The following ALMS1 variants were observed in gnomAD, a reference collection of about 807,000 sequenced individuals.
ALMS1 encodes ALMS1 centrosome and basal body associated protein.
ALMS1 carries 271 observed loss-of-function variants against 352.2 expected under a neutral mutation model. The ratio of observed to expected loss-of-function variants is 0.77; its 90% CI spans 0.70 to 0.85. The LOEUF is 0.85. Among genes scored for constraint, ALMS1 ranks in the 40% least tolerant of loss-of-function variants. The probability of loss-of-function intolerance (pLI) is 0.00; values close to 1 mark genes in which losing one functional copy is unlikely to be tolerated. For missense variants in ALMS1, 5,445 were observed against 4,870.7 expected (o/e 1.12, Z -3.51); for synonymous variants, 1,865 against 1,761.2 (o/e 1.06, Z -1.48).
intron 9 of ALMS1, among the ~76,000 whole-genome samples, chr2:73,483,754 CT>C (rs1257543498): frequency 6.7e-6 from 1 of 148,564 alleles, no homozygotes; most frequent in East Asian, 2.0e-4. Context: ...AATCTGGGTG[CT>C]CCTGTATTGG....
chr2:73,452,222 A>G lies in ALMS1; in HGVS notation c.5695A>G (p.Arg1899Gly). The G allele has an allele frequency of 6.2e-7, 1 of 1,614,060 alleles. No individual in the cohort carries two copies. The highest frequency in any genetic ancestry group is 8.5e-7 in the Non-Finnish European group (1 of 1,179,990). Residue 1899 changes from arginine (R) to glycine (G), a missense_variant, in exon 8 of 23, where the codon AGA becomes GGA. Physicochemically the swap from Arg to Gly is moderately radical, Grantham distance 125. Transcript: ENST00000613296. ...AGCATCCTCTAGTTCCTACTCAAAT[A>G]GAGAGAAGGCCAGTATTTTTCATCA... ...QIASSSSYSN[R>G]EKASIFHQQE... is the part of the protein sequence containing the mutation.
intron 1 of ALMS1, 117 bp from the exon 2 acceptor site, chr2:73,408,505 C>T (rs143054988): frequency 2.7e-4 from 320 of 1,165,914 alleles, no homozygotes; most frequent in Non-Finnish European, 1.9e-4. Context: ...ATCAAAATGT[C>T]GTATATGTGA....
chr2:73,430,624 A>G (rs1327936427), intron 6 of ALMS1, among the ~76,000 whole-genome samples: 2 of 152,088 alleles, frequency 1.3e-5, no homozygotes, highest in Non-Finnish European at 2.9e-5. Flanking sequence ...AAAATACTGT[A>G]TTTTTACTGT....
chr2:73,425,635 A>G (rs144162738), intron 5 of ALMS1, among the ~76,000 whole-genome samples: 59 of 152,300 alleles, frequency 3.9e-4, no homozygotes, highest in African/African-American at 1.4e-3. Flanking sequence ...AGTACAGTAA[A>G]TGAAATCCAA....
At chr2:73,454,838 A>G (rs532411151) in intron 8 of ALMS1, among the ~76,000 whole-genome samples, 1 of 152,314 alleles carries the variant, frequency 6.6e-6, no homozygotes, top group Admixed American at 6.5e-5. Flanking sequence ...GCTGTCATGG[A>G]ATTATGAGTA....
chr2:73,423,992 T>C (rs1474306317), intron 4 of ALMS1, among the ~76,000 whole-genome samples: 1 of 152,074 alleles, frequency 6.6e-6, no homozygotes, highest in Non-Finnish European at 1.5e-5. Context: ...TGCCAAGGCT[T>C]GTCTTGAACT....
intron 1 of ALMS1, among the ~76,000 whole-genome samples, chr2:73,392,152 G>A (rs867891394): frequency 1.3e-5 from 2 of 151,618 alleles, no homozygotes; most frequent in Non-Finnish European, 1.5e-5. Flanking sequence ...CAAGGACACA[G>A]CTCTTGATTT....
Position 73,548,528 on chromosome 2 carries a change from G to A in ALMS1, c.9908-1739G>A, listed in dbSNP as rs143311946. Among the ~76,000 whole-genome samples the A allele has an allele frequency of 6.3e-4, 96 of 152,294 alleles. 1 individual carries two copies. The highest frequency in any genetic ancestry group is 3.4e-3 in the Middle Eastern group (1 of 294). ...GAACTTGAAAGGGTCATCTCTCTTGGAGAACGAGGGGTGGTGGTGCAGACT... is the reference window on the plus strand; with the variant it reads ...GAACTTGAAAGGGTCATCTCTCTTGAAGAACGAGGGGTGGTGGTGCAGACT... On this transcript the variant is annotated intron_variant, in intron 12 of 22. Transcript: ENST00000613296.
At chr2:73,499,657 G>C (rs116232616) in intron 10 of ALMS1, among the ~76,000 whole-genome samples, 75 of 152,176 alleles carry the variant, frequency 4.9e-4, no homozygotes, top group African/African-American at 1.7e-3. Context: ...CTTGGTGTCT[G>C]TTCCCATGTG....
At chr2:73,590,409 A>T (rs767921575) in intron 16 of ALMS1, among the ~76,000 whole-genome samples, 5 of 152,230 alleles carry the variant, frequency 3.3e-5, no homozygotes, top group Admixed American at 6.5e-5. Context: ...ATATTGATGA[A>T]TTCTCAAAGC....
At chr2:73,470,528 A>G (rs1672445751) in intron 9 of ALMS1, 1 of 151,752 alleles carries the variant, frequency 6.6e-6, no homozygotes, top group East Asian at 1.9e-4. Context: ...TGTGCTTGGG[A>G]AAAAAAGGTT....
At position 73,569,081 on chromosome 2, in the gene ALMS1, C is replaced by G. The variant is rs1573027666; in HGVS notation, c.10385-3181C>G. Among the ~76,000 whole-genome samples, 3 of 128,446 alleles carry G rather than the reference C, an allele frequency of 2.3e-5. 1 individual carries two copies. 84.3% of individuals were successfully genotyped at this position (128,446 alleles called of 152,430 possible). On this transcript the variant is annotated intron_variant, in intron 15 of 22. Transcript: ENST00000613296. ...CCAGGCTGGAGTGCAGTGGCACGGT[C>G]TTGACTCACTGCAACCTCCACCTTT...
At chr2:73,482,136 G>A (rs1250458605) in intron 9 of ALMS1, among the ~76,000 whole-genome samples, 1 of 152,210 alleles carries the variant, frequency 6.6e-6, no homozygotes, top group Non-Finnish European at 1.5e-5. Flanking sequence ...TGGTGAGAGA[G>A]GGCATCCCTG....
chr2:73,558,953 G>T lies in ALMS1; in HGVS notation c.10214-19G>T. The T allele has an allele frequency of 6.2e-7, 1 of 1,613,534 alleles. No individual in the cohort carries two copies. The highest frequency in any genetic ancestry group is 8.5e-7 in the Non-Finnish European group (1 of 1,179,706). ...TGTCAAGTTCCTGTCTGTATAGTGT[G>T]TTAATTTCCCTTTCGTAGATTCCAG... is the stretch of plus-strand genomic sequence containing the variant. On this transcript the variant is annotated intron_variant, in intron 14 of 22. Transcript: ENST00000613296.
chr2:73,416,466 A>G (rs1671183179), intron 2 of ALMS1, among the ~76,000 whole-genome samples: 1 of 152,106 alleles, frequency 6.6e-6, no homozygotes, highest in African/African-American at 2.4e-5. Flanking sequence ...TATGTAGTGG[A>G]TAGTGGGTAT....
At chr2:73,554,549 CA>C (rs76740260) in intron 13 of ALMS1, among the ~76,000 whole-genome samples, 461 of 134,532 alleles carry the variant, frequency 3.4e-3, no homozygotes, top group Non-Finnish European at 3.0e-3. Flanking sequence ...ACTAAAAATA[CA>C]AAAAAAAAAA....
chr2:73,571,446 A>G (rs1031475555), intron 15 of ALMS1, among the ~76,000 whole-genome samples: 2 of 152,142 alleles, frequency 1.3e-5, no homozygotes, highest in Non-Finnish European at 2.9e-5. Flanking sequence ...TCTGCTTCCA[A>G]AATGGTGTCT....
At chr2:73,564,098 TA>T (rs772690471) in intron 15 of ALMS1, among the ~76,000 whole-genome samples, 6 of 147,642 alleles carry the variant, frequency 4.1e-5, no homozygotes, top group African/African-American at 7.5e-5. Flanking sequence ...GGGTTAAACT[TA>T]AAAAAAAAAC....
At chr2:73,566,130 G>A (rs1053358557) in intron 15 of ALMS1, among the ~76,000 whole-genome samples, 7 of 152,138 alleles carry the variant, frequency 4.6e-5, no homozygotes, top group African/African-American at 1.7e-4. Context: ...CCGTTTTTCT[G>A]TAAATCCAAA....
Sources: allele counts gnomAD v4.1 joint callset (sites outside exome capture counted in the v4.1 genomes callset), GRCh38; gene constraint gnomAD v4.1.1; transcripts MANE v1.5; gene names NCBI Gene and HGNC (gene_info 2026-07-23, HGNC 2026-07-21).